Variants in POLR2B observed in about 807,000 individuals in gnomAD.
POLR2B encodes the protein DNA-directed RNA polymerase II subunit RPB2.
A neutral mutation model predicts 144.6 loss-of-function variants in POLR2B; 57 were observed. That is an observed-to-expected ratio of 0.39 (90% confidence interval 0.32 to 0.49). The LOEUF (loss-of-function observed/expected upper bound fraction) is 0.49, where lower values mean the gene tolerates loss of function less well. Ranked by LOEUF, POLR2B falls within the 20% of genes least tolerant of loss-of-function variation. The pLI is 0.83. For missense variants in POLR2B, 595 were observed against 1,467.4 expected, an observed-to-expected ratio of 0.41 and a Z score of 9.71; for synonymous variants, 442 against 469.8, an observed-to-expected ratio of 0.94 and a Z score of 0.77.
intron 6 of POLR2B, 127 bp from the exon 7 acceptor site, chr4:56,999,490 T>G: frequency 1.9e-6 from 1 of 539,242 alleles, no homozygotes; most frequent in Non-Finnish European, 3.1e-6. Flanking sequence ...TTCCTCACAG[T>G]ATTGGGAGGC....
At chr4:57,020,700 G>A (rs1266868813) in intron 16 of POLR2B, among the ~76,000 whole-genome samples, 199 bp from the exon 17 acceptor site, 1 of 152,142 alleles carries the variant, frequency 6.6e-6, no homozygotes, top group Non-Finnish European at 1.5e-5. Context: ...CCTAGGATTT[G>A]CTTGTGGGAG....
rs745781732 is a variant in POLR2B at position 56,994,671 on chromosome 4, T to C, written c.381T>C (p.Asp127=). ...GGTATTCTGCTCCGCTTTATGTTGA[T>C]ATAACAAAAACAGTCATTAAAGAAG... is the stretch of plus-strand genomic sequence containing the variant. ...NLTYSAPLYV[D]ITKTVIKEGE... Residue 127 remains aspartate (D), a synonymous_variant, in exon 5 of 25, where the codon GAT becomes GAC. Transcript: ENST00000314595. 91 of 1,611,096 alleles carry C rather than the reference T, an allele frequency of 5.6e-5. No individual in the cohort carries two copies. The highest frequency in any genetic ancestry group is 2.5e-5 in the Non-Finnish European group (30 of 1,177,400).
intron 7 of POLR2B, among the ~76,000 whole-genome samples, chr4:57,000,615 A>G (rs1437221908): frequency 6.6e-6 from 1 of 152,192 alleles, no homozygotes; most frequent in Non-Finnish European, 1.5e-5. Context: ...ACTTCAGTGT[A>G]TATTTCCTAA....
chr4:57,019,338 A>G (rs1006153491), intron 16 of POLR2B, among the ~76,000 whole-genome samples: 2 of 151,914 alleles, frequency 1.3e-5, no homozygotes, highest in Non-Finnish European at 2.9e-5. Flanking sequence ...CAGTTCTGTT[A>G]TTCCTGACTT....
chr4:56,984,087 A>G (rs879785339), intron 1 of POLR2B, among the ~76,000 whole-genome samples: 10 of 149,820 alleles, frequency 6.7e-5, no homozygotes, highest in Non-Finnish European at 1.0e-4. Context: ...CTGGTCTCGA[A>G]CTCCTGGTCT....
chr4:57,024,029 A>G lies in POLR2B; in HGVS notation c.2881A>G (p.Ile961Val), dbSNP rs369170854. The change falls in exon 21 of 25, where the codon ATC (isoleucine) becomes GTC (valine). Residue 961 changes from isoleucine to valine, a missense_variant. Transcript: ENST00000314595. Reference protein sequence around the residue: ...QEDMPFTCEGITPDIIINPHA... With the variant: ...QEDMPFTCEGVTPDIIINPHA... The stretch of plus-strand genomic sequence containing the variant: ...GGATATGCCTTTCACCTGTGAAGGT[A>G]TCACCCCTGATATCATCATCAATCC... 38 of 1,602,678 alleles carry G rather than the reference A, an allele frequency of 2.4e-5. No individual in the cohort carries two copies. Among genetic ancestry groups the G allele is most frequent in the Non-Finnish European group, 2.9e-5 (34 of 1,175,120 alleles).
chr4:56,981,055 G>A (rs1296748188), intron 1 of POLR2B, among the ~76,000 whole-genome samples: 2 of 152,088 alleles, frequency 1.3e-5, no homozygotes, highest in East Asian at 1.9e-4. Flanking sequence ...CACCTGCCTC[G>A]GCCTCCGAAA....
chr4:57,027,036 TCTCA>T (rs1160298161), intron 23 of POLR2B, among the ~76,000 whole-genome samples: 1 of 151,982 alleles, frequency 6.6e-6, no homozygotes, highest in Non-Finnish European at 1.5e-5. Context: ...TGTGAGACAG[TCTCA>T]CTCTGTCACC....
intron 6 of POLR2B, among the ~76,000 whole-genome samples, chr4:56,995,904 T>C (rs1403175649): frequency 6.6e-6 from 1 of 152,184 alleles, no homozygotes. Context: ...AATCAGTCTT[T>C]TATAACTTAA....
At chr4:56,982,044 C>A (rs1212660027) in intron 1 of POLR2B, among the ~76,000 whole-genome samples, 1 of 152,196 alleles carries the variant, frequency 6.6e-6, no homozygotes, top group Non-Finnish European at 1.5e-5. Context: ...TGTTCACATT[C>A]TCCTTGGGTG....
chr4:56,998,595 C>G (rs1044253683), intron 6 of POLR2B, among the ~76,000 whole-genome samples: 1 of 151,450 alleles, frequency 6.6e-6, no homozygotes, highest in Admixed American at 6.6e-5. Flanking sequence ...TGGGCTCAAG[C>G]AATCCTCCCG....
At chr4:56,997,684 A>G (rs1230994083) in intron 6 of POLR2B, among the ~76,000 whole-genome samples, 1 of 152,244 alleles carries the variant, frequency 6.6e-6, no homozygotes, top group Non-Finnish European at 1.5e-5. Context: ...GAATCACTGG[A>G]AGATAGCTCT....
At chr4:56,991,523 G>T (rs1722506905) in intron 3 of POLR2B, among the ~76,000 whole-genome samples, 1 of 152,180 alleles carries the variant, frequency 6.6e-6, no homozygotes, top group Non-Finnish European at 1.5e-5. Flanking sequence ...GACTTTGAGA[G>T]ACAGGGAAAA....
chr4:57,006,837 A>G lies in POLR2B; in HGVS notation c.1239A>G (p.Lys413=). 6.2e-7 allele frequency: 1 copy of G among 1,613,162 alleles called. No individual in the cohort carries two copies. Among genetic ancestry groups the G allele is most frequent in the Non-Finnish European group, 8.5e-7 (1 of 1,179,316 alleles). Residue 413 remains lysine, a synonymous_variant, in exon 10 of 25, where the codon AAA becomes AAG. Coordinates refer to ENST00000314595, the MANE Select transcript of POLR2B (RefSeq NM_000938.3). ...GCAGTATGTTTAAGAATTTGCTTAA[A>G]GAAGTGCGGATCTATGCACAGAAAT... The part of the protein sequence containing the change: ...LFRGMFKNLL[K]EVRIYAQKFI...
At chr4:57,003,838 C>T (rs2109679222) in intron 7 of POLR2B, among the ~76,000 whole-genome samples, 1 of 151,048 alleles carries the variant, frequency 6.6e-6, no homozygotes, top group African/African-American at 2.4e-5. Context: ...GGGAGACTGA[C>T]TGTGTCTCTT....
chr4:56,986,638 A>AT (rs1722342881), intron 2 of POLR2B: 1 of 375,650 alleles, frequency 2.7e-6, no homozygotes, highest in Non-Finnish European at 4.7e-6. Flanking sequence ...CCTGTACTAC[A>AT]TTTCTTTGTC....
rs749294672 is a variant in POLR2B, at chr4:57,030,184, T to C, written c.3240-20T>C. 6.3e-7 allele frequency: 1 copy of C among 1,596,038 alleles called. No homozygotes were observed. The highest frequency in any genetic ancestry group is 1.7e-5 in the Admixed American group (1 of 58,328). On this transcript the variant is annotated intron_variant, in intron 23 of 24. Coordinates refer to ENST00000314595, the MANE Select transcript of POLR2B (RefSeq NM_000938.3). ...ATAATAAAAAATAAGTACAAAGTAA[T>C]AATTTTTTTCTCTTAACAGTGATGG... is the stretch of plus-strand genomic sequence containing the variant.
At chr4:56,998,221 ATTTT>A (rs71657245) in intron 6 of POLR2B, among the ~76,000 whole-genome samples, 1 of 143,184 alleles carries the variant, frequency 7.0e-6, no homozygotes, top group Non-Finnish European at 1.5e-5. Flanking sequence ...TTTTCTTTAA[ATTTT>A]TTTTTTTTTT....
chr4:57,002,226 G>A (rs1223147200), intron 7 of POLR2B, among the ~76,000 whole-genome samples: 1 of 151,994 alleles, frequency 6.6e-6, no homozygotes, highest in East Asian at 1.9e-4. Context: ...ATGGAGTTTT[G>A]CCGTGTTGCC....
Sources: gnomAD v4.1 joint callset for allele counts (sites outside exome capture counted in the v4.1 genomes callset) on GRCh38, gnomAD v4.1.1 for gene constraint, MANE v1.5 for transcripts, NCBI Gene and HGNC (gene_info 2026-07-23, HGNC 2026-07-21) for gene names.